Variants in AGBL1 observed in about 807,000 individuals in gnomAD.
The protein encoded by AGBL1 is AGBL carboxypeptidase 1, also known as cytosolic carboxypeptidase 4.
Under a neutral mutation model 118.9 loss-of-function variants are expected in AGBL1, and 130 were observed. The observed-to-expected ratio is 1.09, with a 90% confidence interval of 0.95 to 1.26. The LOEUF (loss-of-function observed/expected upper bound fraction) is 1.26. AGBL1 is among the 50% of genes most tolerant of loss of function. The pLI, the probability that AGBL1 is intolerant of heterozygous loss-of-function variation, is 0.00. For missense variants in AGBL1, 1,584 were observed against 1,298.1 expected, an observed-to-expected ratio of 1.22 and a Z score of -3.38; for synonymous variants, 555 against 478.9, an observed-to-expected ratio of 1.16 and a Z score of -2.08.
At chr15:86,929,737 C>T (rs2080583179) in intron 23 of AGBL1, among the ~76,000 whole-genome samples, 1 of 152,212 alleles carries the variant, frequency 6.6e-6, no homozygotes, top group Non-Finnish European at 1.5e-5. Flanking sequence ...CAGCGTGTTT[C>T]AGCTTTGACT....
intron 17 of AGBL1, among the ~76,000 whole-genome samples, chr15:86,366,760 T>C (rs1340235998): frequency 2.0e-5 from 3 of 152,204 alleles, no homozygotes; most frequent in Admixed American, 2.0e-4. Flanking sequence ...TACTTCTGCC[T>C]CAGAGGTGCA....
intron 23 of AGBL1, among the ~76,000 whole-genome samples, chr15:86,923,948 C>CT (rs1314064593): frequency 1.3e-5 from 2 of 152,188 alleles, no homozygotes; most frequent in Non-Finnish European, 2.9e-5. Context: ...TTACACCTTC[C>CT]TGGAGCCATT....
At chr15:86,452,656 A>ATGGCTCCAACTCAG (rs2082209746) in intron 18 of AGBL1, among the ~76,000 whole-genome samples, 1 of 152,168 alleles carries the variant, frequency 6.6e-6, no homozygotes, top group Non-Finnish European at 1.5e-5. Flanking sequence ...AAGTACTTCA[A>ATGGCTCCAACTCAG]TGGCTCCAAC....
intron 22 of AGBL1, among the ~76,000 whole-genome samples, chr15:86,855,223 C>T (rs2079461159): frequency 6.6e-6 from 1 of 152,206 alleles, no homozygotes. Context: ...AAGTTCGTTT[C>T]CACGATGTTA....
At position 86,264,847 on chromosome 15, in the gene AGBL1, G is replaced by A. The variant is rs776022220; in HGVS notation, c.1667+9G>A. 1.6e-5 allele frequency: 25 copies of A among 1,569,220 alleles called. No homozygotes were observed. The highest frequency in any genetic ancestry group is 6.7e-5 in the East Asian group (3 of 44,526). On this transcript the variant is annotated intron_variant, in intron 11 of 22. Transcript: ENST00000614907. Reference sequence around the variant, plus strand: ...AAATGTGGAGTCCAAAGGTGATGGCGCTACTGACTTGGGAGCTCTTTTTTT... The same window carrying A: ...AAATGTGGAGTCCAAAGGTGATGGCACTACTGACTTGGGAGCTCTTTTTTT...
intron 18 of AGBL1, among the ~76,000 whole-genome samples, chr15:86,443,487 C>T (rs1197947397): frequency 6.6e-6 from 1 of 152,076 alleles, no homozygotes; most frequent in African/African-American, 2.4e-5. Context: ...TATTTAAAAA[C>T]ATACAATAAA....
intron 17 of AGBL1, among the ~76,000 whole-genome samples, chr15:86,333,515 A>T (rs1213243975): frequency 2.0e-5 from 3 of 152,154 alleles, no homozygotes; most frequent in Admixed American, 6.5e-5. Context: ...GACTAATAAC[A>T]AGTTCCAAAA....
intron 21 of AGBL1, among the ~76,000 whole-genome samples, chr15:86,631,346 A>G (rs1311726096): frequency 6.6e-6 from 1 of 152,198 alleles, no homozygotes; most frequent in African/African-American, 2.4e-5. Flanking sequence ...TCTTTGTGCT[A>G]TGCTTAACAA....
chr15:86,995,554 C>A (rs958082788), intron 24 of AGBL1, among the ~76,000 whole-genome samples: 1 of 151,726 alleles, frequency 6.6e-6, no homozygotes, highest in African/African-American at 2.4e-5. Flanking sequence ...TGTCAAAATT[C>A]AAAAAGCCCT....
At chr15:86,838,180 T>TG (rs1567200059) in intron 22 of AGBL1, among the ~76,000 whole-genome samples, 4 of 146,076 alleles carry the variant, frequency 2.7e-5, no homozygotes, top group Non-Finnish European at 1.5e-5. Flanking sequence ...CTCTGTAACC[T>TG]AAAAAAAAAA....
chr15:86,264,198 A>C, intron 10 of AGBL1, 60 bp from the exon 11 acceptor site: 1 of 1,342,118 alleles, frequency 7.5e-7, no homozygotes, highest in South Asian at 1.5e-5. Context: ...ACAGGGATCA[A>C]ATTGTATTCC....
intron 22 of AGBL1, among the ~76,000 whole-genome samples, chr15:86,753,396 T>C (rs1023078995): frequency 4.3e-5 from 5 of 116,314 alleles, no homozygotes; most frequent in Non-Finnish European, 8.7e-5. Context: ...TTTTTCTTTT[T>C]CTTTTTTTTT....
intron 5 of AGBL1, among the ~76,000 whole-genome samples, chr15:86,171,477 C>G (rs1370951435): frequency 6.6e-6 from 1 of 152,070 alleles, no homozygotes; most frequent in Non-Finnish European, 1.5e-5. Flanking sequence ...AAAGCAACCA[C>G]TAAAACAGTT....
intron 18 of AGBL1, among the ~76,000 whole-genome samples, chr15:86,485,153 A>C (rs769215337): frequency 6.6e-6 from 1 of 152,154 alleles, no homozygotes; most frequent in African/African-American, 2.4e-5. Context: ...CGCTACTTCA[A>C]GTGTGGTCTG....
At chr15:86,294,923 C>T (rs956916487) in intron 16 of AGBL1, among the ~76,000 whole-genome samples, 6 of 152,112 alleles carry the variant, frequency 3.9e-5, no homozygotes, top group Non-Finnish European at 5.9e-5. Flanking sequence ...CTGACCCTTC[C>T]GAGTCTCCAT....
intron 21 of AGBL1, chr15:86,630,381 C>A (rs1192853527): frequency 6.6e-6 from 1 of 152,220 alleles, no homozygotes; most frequent in Non-Finnish European, 1.5e-5. Context: ...ATGGCTCTGT[C>A]ATTAATAATG....
intron 21 of AGBL1, among the ~76,000 whole-genome samples, chr15:86,656,969 C>T (rs2085469979): frequency 1.3e-5 from 2 of 152,110 alleles, no homozygotes; most frequent in Non-Finnish European, 2.9e-5. Flanking sequence ...TTTTTCTTTG[C>T]CCTGGCTTTT....
chr15:86,654,916 A>G (rs920425117), intron 21 of AGBL1, among the ~76,000 whole-genome samples: 8 of 152,070 alleles, frequency 5.3e-5, no homozygotes, highest in African/African-American at 9.7e-5. Flanking sequence ...AATCTCTCTC[A>G]GTAGGGTTAT....
intron 1 of AGBL1, among the ~76,000 whole-genome samples, chr15:86,099,591 G>A (rs1484135033): frequency 1.3e-5 from 2 of 150,314 alleles, no homozygotes; most frequent in African/African-American, 2.5e-5. Flanking sequence ...CCAGGCTGGA[G>A]TGCAGTGGTG....
Sources: gnomAD v4.1 joint callset for allele counts (sites outside exome capture counted in the v4.1 genomes callset) on GRCh38, gnomAD v4.1.1 for gene constraint, MANE v1.5 for transcripts, NCBI Gene and HGNC (gene_info 2026-07-23, HGNC 2026-07-21) for gene names.